Variants in HDAC4 observed in about 807,000 individuals in gnomAD.
HDAC4 encodes histone deacetylase A.
Under a neutral mutation model 135.1 loss-of-function variants are expected in HDAC4, and 16 were observed. The ratio of observed to expected loss-of-function variants is 0.12; its 90% CI spans 0.08 to 0.18. The LOEUF (loss-of-function observed/expected upper bound fraction) is 0.18. HDAC4 is among the 10% of genes least tolerant of loss of function. HDAC4 has a pLI of 1.00. For synonymous variants in HDAC4, 685 were observed against 653.4 expected (o/e 1.05, Z -0.74); for missense variants, 1,143 against 1,511.8 (o/e 0.76, Z 4.05).
chr2:239,346,801 A>C (rs1692720149), intron 2 of HDAC4, among the ~76,000 whole-genome samples: 1 of 143,306 alleles, frequency 7.0e-6, no homozygotes, highest in Non-Finnish European at 1.5e-5. Context: ...TCACACACAC[A>C]CACCCTGTCT....
chr2:239,158,423 G>GGTAGGATTTGCTTACA (rs371852784), intron 6 of HDAC4, among the ~76,000 whole-genome samples: 90 of 152,198 alleles, frequency 5.9e-4, no homozygotes, highest in African/African-American at 1.6e-3. Flanking sequence ...ATATTTGAAC[G>GGTAGGATTTGCTTACA]GTAGGATTTG....
chr2:239,331,006 C>G lies in HDAC4; in HGVS notation c.22+21672G>C, dbSNP rs1006027890. Among the ~76,000 whole-genome samples, 2 of 152,174 alleles carry G rather than the reference C, an allele frequency of 1.3e-5. No individual in the cohort carries two copies. The highest frequency in any genetic ancestry group is 2.9e-5 in the Non-Finnish European group (2 of 68,042). ...ACACAGACCTGCTGCCCTGTGCGTG[C>G]GCATTCCCAACCTGCCTGACCTTGG... On this transcript the variant is annotated intron_variant, in intron 2 of 26. Transcript: ENST00000543185. The surrounding 1 kb of genome is among the most constrained non-coding windows in gnomAD (Gnocchi z 4.5).
intron 3 of HDAC4, among the ~76,000 whole-genome samples, chr2:239,199,422 T>A (rs922754604): frequency 2.0e-5 from 3 of 152,188 alleles, no homozygotes; most frequent in Non-Finnish European, 4.4e-5. Context: ...ACCATTTCTA[T>A]AACGGGAAGG....
chr2:239,389,630 C>G (rs1028310534), intron 1 of HDAC4, among the ~76,000 whole-genome samples: 1 of 152,198 alleles, frequency 6.6e-6, no homozygotes, highest in African/African-American at 2.4e-5. Context: ...GTCCGCAGAG[C>G]GTTCAGTGTG....
chr2:239,301,842 C>T (rs758975031), intron 2 of HDAC4, among the ~76,000 whole-genome samples: 2 of 152,146 alleles, frequency 1.3e-5, no homozygotes, highest in African/African-American at 2.4e-5. Context: ...AATGCTACTG[C>T]GGTGTGATTC....
At position 239,285,329 on chromosome 2, in the gene HDAC4, G is replaced by A. The variant is rs1489532306; in HGVS notation, c.23-48665C>T. Among the ~76,000 whole-genome samples, 4 of 152,210 alleles carry A rather than the reference G, an allele frequency of 2.6e-5. No homozygotes were observed. The highest frequency in any genetic ancestry group is 6.5e-5 in the Admixed American group (1 of 15,294). The stretch of plus-strand genomic sequence containing the variant: ...GCGCCGCGGCTGGGCCCCCAAGTTC[G>A]CGGCTGTGCAGCGTGGCCAGAATGC... On this transcript the variant is annotated intron_variant, in intron 2 of 26. Transcript: ENST00000543185. The surrounding 1 kb of genome is among the most constrained non-coding windows in gnomAD (Gnocchi z 4.5).
At chr2:239,350,689 A>C (rs1208765614) in intron 2 of HDAC4, among the ~76,000 whole-genome samples, 1 of 152,148 alleles carries the variant, frequency 6.6e-6, no homozygotes, top group Non-Finnish European at 1.5e-5. Context: ...TTTTTAGTAG[A>C]GATGGGGTTT....
At chr2:239,251,249 G>A (rs948313410) in intron 2 of HDAC4, among the ~76,000 whole-genome samples, 1 of 152,202 alleles carries the variant, frequency 6.6e-6, no homozygotes, top group African/African-American at 2.4e-5. Flanking sequence ...GAAGATGGGG[G>A]AGACACACAG....
rs556764147 is a variant in HDAC4 at position 239,242,515 on chromosome 2, G to A, written c.23-5851C>T. Among the ~76,000 whole-genome samples, 32 of 152,222 alleles carry A rather than the reference G, an allele frequency of 2.1e-4. No homozygotes were observed. In the East Asian group the frequency reaches 3.3e-3, roughly 16 times the overall value. On this transcript the variant is annotated intron_variant, in intron 2 of 26. Transcript: ENST00000543185. ...AATTTTTACTTATTGGTTCTGTATC[G>A]TAGAATATTAATTTCAATCATTTTT...
chr2:239,208,105 G>A (rs907057814), intron 3 of HDAC4, among the ~76,000 whole-genome samples: 25 of 151,728 alleles, frequency 1.6e-4, no homozygotes, highest in South Asian at 2.1e-4. Context: ...GGCGGATCAC[G>A]AGGTCAGGAG....
chr2:239,115,029 G>T lies in HDAC4; in HGVS notation c.1791+24C>A. The stretch of plus-strand genomic sequence containing the variant: ...GGGTGGCTGTGCGTGCCAGCCTTCT[G>T]GTGCCCTCCCCGCCTGCGGTCACCT... On this transcript the variant is annotated intron_variant, in intron 13 of 26. Coordinates refer to ENST00000543185, the MANE Select transcript of HDAC4 (RefSeq NM_001378414.1). This position sits in a 1 kb window ranked among gnomAD's most constrained non-coding sequence, Gnocchi z 6.3. 1 of 1,606,498 alleles carries T rather than the reference G, an allele frequency of 6.2e-7. No individual in the cohort carries two copies.
At chr2:239,165,057 T>C (rs930459113) in intron 5 of HDAC4, among the ~76,000 whole-genome samples, 1 of 152,022 alleles carries the variant, frequency 6.6e-6, no homozygotes, top group Non-Finnish European at 1.5e-5. Context: ...ACCCTGTCTC[T>C]ACTAAAAATA....
intron 2 of HDAC4, among the ~76,000 whole-genome samples, chr2:239,346,555 T>TCA (rs146910085): frequency 0.067 from 5,753 of 85,954 alleles, 244 homozygotes; most frequent in African/African-American, 0.15. Flanking sequence ...AAACACACCT[T>TCA]CACACACACA....
intron 3 of HDAC4, among the ~76,000 whole-genome samples, chr2:239,218,308 A>T (rs984728496): frequency 6.6e-6 from 1 of 152,020 alleles, no homozygotes; most frequent in Non-Finnish European, 1.5e-5. Flanking sequence ...CTCAGAAATA[A>T]CACCGCATAT....
intron 14 of HDAC4, among the ~76,000 whole-genome samples, chr2:239,110,316 A>G (rs2038555795): frequency 6.6e-6 from 1 of 152,254 alleles, no homozygotes; most frequent in Admixed American, 6.5e-5. Context: ...AAGACAAACT[A>G]AGAAAGGACA....
intron 4 of HDAC4, among the ~76,000 whole-genome samples, chr2:239,178,028 C>T (rs996832111): frequency 3.3e-5 from 5 of 152,228 alleles, no homozygotes; most frequent in Non-Finnish European, 7.3e-5. Context: ...TCCTTCCGCT[C>T]CTCTGAGATG....
chr2:239,055,977 T>C (rs1296730461), intron 24 of HDAC4, among the ~76,000 whole-genome samples: 5 of 152,120 alleles, frequency 3.3e-5, no homozygotes, highest in Non-Finnish European at 7.4e-5. Context: ...ACAGAGGCCA[T>C]GGGAAGGAGC....
Position 239,146,941 on chromosome 2 carries a change from G to A in HDAC4, c.734-2227C>T, listed in dbSNP as rs554122232. Among the ~76,000 whole-genome samples the A allele has an allele frequency of 1.6e-4, 25 of 152,286 alleles. No individual in the cohort carries two copies. The East Asian group carries it at 3.3e-3, about 20-fold the overall frequency. On this transcript the variant is annotated intron_variant, in intron 7 of 26. Transcript: ENST00000543185. This position sits in a 1 kb window ranked among gnomAD's most constrained non-coding sequence, Gnocchi z 4.5. ...TCTAGCCGACTGCACGTCCCTGGTC[G>A]ACTCTGCCTGCAGGGTGGCTGCAGC...
chr2:239,324,013 G>A (rs961406960), intron 2 of HDAC4, among the ~76,000 whole-genome samples: 1 of 152,152 alleles, frequency 6.6e-6, no homozygotes. Flanking sequence ...GACCACATGC[G>A]CTACGGTATG....
Sources: gnomAD v4.1 joint callset for allele counts (sites outside exome capture counted in the v4.1 genomes callset) on GRCh38, gnomAD v4.1.1 for gene constraint, Gnocchi (gnomAD v3.1) non-coding constraint, MANE v1.5 for transcripts, NCBI Gene and HGNC (gene_info 2026-07-23, HGNC 2026-07-21) for gene names.